Variants in PARP8 observed in about 807,000 individuals in gnomAD.
PARP8 encodes the protein protein mono-ADP-ribosyltransferase PARP8.
Under a neutral mutation model 124.1 loss-of-function variants are expected in PARP8, and 51 were observed. The observed-to-expected ratio is 0.41, with a 90% CI of 0.33 to 0.52. The LOEUF (loss-of-function observed/expected upper bound fraction) is 0.52. PARP8 is among the 20% of genes least tolerant of loss of function. The probability of loss-of-function intolerance (pLI) is 0.21; values close to 1 mark genes in which losing one functional copy is unlikely to be tolerated. For synonymous variants in PARP8, 391 were observed against 361.5 expected (o/e 1.08, Z -0.93); for missense variants, 860 against 1,018.9 (o/e 0.84, Z 2.12).
chr5:50,713,940 C>G (rs1755036092), intron 2 of PARP8, among the ~76,000 whole-genome samples: 1 of 152,152 alleles, frequency 6.6e-6, no homozygotes, highest in East Asian at 1.9e-4. Context: ...TCCTGGAGCT[C>G]CTGGCAGGAA....
At chr5:50,836,360 A>G (rs1231297846) in intron 25 of PARP8, among the ~76,000 whole-genome samples, 1 of 152,216 alleles carries the variant, frequency 6.6e-6, no homozygotes, top group Non-Finnish European at 1.5e-5. Flanking sequence ...AATCCAAACA[A>G]GAAACAGATG....
intron 10 of PARP8, among the ~76,000 whole-genome samples, chr5:50,789,460 G>A (rs1214431288): frequency 1.3e-5 from 2 of 151,682 alleles, no homozygotes; most frequent in African/African-American, 2.4e-5. Context: ...CAGAGGGCTT[G>A]TTGTGGTTTT....
At chr5:50,828,980 A>G (rs569742528) in intron 21 of PARP8, among the ~76,000 whole-genome samples, 9 of 152,304 alleles carry the variant, frequency 5.9e-5, no homozygotes, top group Admixed American at 5.2e-4. Context: ...TTAAGTAGAA[A>G]AACATTATCA....
intron 15 of PARP8, among the ~76,000 whole-genome samples, chr5:50,816,580 C>G (rs537352952): frequency 2.0e-5 from 3 of 151,854 alleles, no homozygotes; most frequent in African/African-American, 7.3e-5. Flanking sequence ...ATATTTAGGG[C>G]AGTATTTTTC....
In PARP8 at chr5:50,843,177, T is replaced by C. The variant is rs1405989531; in HGVS notation, c.*1109T>C. 4 of 151,796 alleles carry C rather than the reference T, an allele frequency of 2.6e-5. No homozygotes were observed. The highest frequency in any genetic ancestry group is 2.9e-5 in the Non-Finnish European group (2 of 67,818). The allele number at this position is 151,796 out of a possible 1,614,324, so 9.4% of individuals were successfully genotyped here. On this transcript the variant is annotated 3_prime_UTR_variant, in exon 26 of 26. Coordinates refer to ENST00000281631, the MANE Select transcript of PARP8 (RefSeq NM_024615.4). Reference sequence around the variant, plus strand: ...AACACCAGCTCTCAGCATTTCCTTTTCAAGAGTCATAATTTCATCAAAATC... The same window carrying C: ...AACACCAGCTCTCAGCATTTCCTTTCCAAGAGTCATAATTTCATCAAAATC...
At position 50,813,501 on chromosome 5, in the gene PARP8, A is replaced by G. The variant is rs537192979; in HGVS notation, c.1576-1931A>G. 6.2e-4 allele frequency among the ~76,000 whole-genome samples: 94 copies of G among 152,250 alleles called. 1 individual carries two copies. Among genetic ancestry groups the G allele is most frequent in the Middle Eastern group, 3.4e-3 (1 of 294 alleles). On this transcript the variant is annotated intron_variant, in intron 14 of 25. Transcript: ENST00000281631. ...CTTAAGGAGATTTTGGGCTGAGACG[A>G]TGGGGTTTTCTAAATATACAACCAT...
At chr5:50,807,353 C>T (rs778874476) in intron 14 of PARP8, among the ~76,000 whole-genome samples, 2 of 152,002 alleles carry the variant, frequency 1.3e-5, no homozygotes, top group Non-Finnish European at 2.9e-5. Flanking sequence ...TTTGCATCTG[C>T]GTAACGCTCA....
intron 25 of PARP8, among the ~76,000 whole-genome samples, 167 bp from the exon 26 acceptor site, chr5:50,841,799 C>A (rs1054597620): frequency 2.0e-5 from 3 of 151,476 alleles, no homozygotes; most frequent in African/African-American, 7.3e-5. Context: ...ATGGGCTGTT[C>A]TGTGTTTCGC....
At chr5:50,763,338 A>G (rs983106170) in intron 7 of PARP8, 96 bp downstream of exon 7, 6 of 910,960 alleles carry the variant, frequency 6.6e-6, no homozygotes, top group Admixed American at 2.1e-5. Context: ...TGGGGTTTTA[A>G]TTGTATTTTA....
intron 2 of PARP8, among the ~76,000 whole-genome samples, chr5:50,692,420 G>A (rs1271376937): frequency 6.6e-6 from 1 of 151,982 alleles, no homozygotes; most frequent in East Asian, 1.9e-4. Flanking sequence ...TTAGTCATCT[G>A]GGGATAGTGA....
chr5:50,749,884 A>G (rs1303561173), intron 2 of PARP8, among the ~76,000 whole-genome samples: 1 of 152,174 alleles, frequency 6.6e-6, no homozygotes, highest in Non-Finnish European at 1.5e-5. Context: ...AGACCTGTCT[A>G]TACTAAAAGA....
chr5:50,683,231 A>T (rs1478577222), intron 2 of PARP8, among the ~76,000 whole-genome samples: 2 of 152,106 alleles, frequency 1.3e-5, no homozygotes, highest in Non-Finnish European at 2.9e-5. Context: ...AAGTTGTTTA[A>T]CCCTTTTTGT....
intron 14 of PARP8, among the ~76,000 whole-genome samples, chr5:50,804,858 G>T (rs111557950): frequency 2.6e-5 from 4 of 152,168 alleles, no homozygotes; most frequent in African/African-American, 9.6e-5. Flanking sequence ...TTGAAAATCA[G>T]ATTTGCTTCA....
intron 14 of PARP8, among the ~76,000 whole-genome samples, chr5:50,814,737 G>A (rs1008732865): frequency 3.3e-5 from 5 of 152,092 alleles, no homozygotes; most frequent in East Asian, 1.9e-4. Context: ...CAGAGGCACC[G>A]TGGATTGCAT....
chr5:50,751,022 T>C (rs1189941510), intron 3 of PARP8, among the ~76,000 whole-genome samples: 1 of 152,168 alleles, frequency 6.6e-6, no homozygotes, highest in Non-Finnish European at 1.5e-5. Flanking sequence ...AAAGCCCCAC[T>C]ATTTATTGTA....
rs922623692 is a variant in PARP8, at chr5:50,842,005, A to G, written c.2502A>G (p.Thr834=). 4 of 1,606,558 alleles carry G rather than the reference A, an allele frequency of 2.5e-6. No individual in the cohort carries two copies. Among genetic ancestry groups the G allele is most frequent in the South Asian group, 1.1e-5 (1 of 90,206 alleles). ...DGQVGDANIN[T]QEGGIHKEIL... The stretch of plus-strand genomic sequence containing the variant: ...AAGTGGGAGATGCAAATATTAATAC[A>G]CAAGAAGGAGGCATTCACAAAGAGA... Residue 834 remains threonine, a synonymous_variant, in exon 26 of 26, where the codon ACA becomes ACG. Transcript: ENST00000281631.
Position 50,844,738 on chromosome 5 carries a change from T to G in PARP8, c.*2670T>G, listed in dbSNP as rs1191456485. 6.6e-6 allele frequency: 1 copy of G among 151,756 alleles called. No homozygotes were observed. The highest frequency in any genetic ancestry group is 1.5e-5 in the Non-Finnish European group (1 of 67,762). 9.4% of individuals were successfully genotyped at this position (151,756 alleles called of 1,614,324 possible). Reference sequence around the variant, plus strand: ...GTAGGGGAAGAAAATTATTAATTTATTAGTTCTACTTTTTCCTGCATTGCT... The same window carrying G: ...GTAGGGGAAGAAAATTATTAATTTAGTAGTTCTACTTTTTCCTGCATTGCT... On this transcript the variant is annotated 3_prime_UTR_variant, in exon 26 of 26. Coordinates refer to ENST00000281631, the MANE Select transcript of PARP8 (RefSeq NM_024615.4).
chr5:50,667,436 G>GGA (rs1159880003), intron 1 of PARP8: 3 of 700,862 alleles, frequency 4.3e-6, no homozygotes, highest in African/African-American at 3.5e-5. Context: ...GCCGGAGCGG[G>GGA]GGTCTAGGCG....
chr5:50,753,963 T>C (rs1049013360), intron 3 of PARP8, among the ~76,000 whole-genome samples: 5 of 150,686 alleles, frequency 3.3e-5, no homozygotes, highest in African/African-American at 9.8e-5. Context: ...AGAAAATATC[T>C]TGCTGTTAAC....
Sources: gnomAD v4.1 joint callset for allele counts (sites outside exome capture counted in the v4.1 genomes callset) on GRCh38, gnomAD v4.1.1 for gene constraint, MANE v1.5 for transcripts, NCBI Gene and HGNC (gene_info 2026-07-23, HGNC 2026-07-21) for gene names.